DGKB: variants seen among roughly 807,000 people sequenced by gnomAD.
The protein encoded by DGKB is 90 kDa diacylglycerol kinase.
In DGKB, 67 loss-of-function variants were observed where a neutral mutation model predicts 114.3. That is an observed-to-expected ratio of 0.59 (90% CI 0.48 to 0.72). The LOEUF (loss-of-function observed/expected upper bound fraction) is 0.72, where lower values mean the gene tolerates loss of function less well. DGKB is among the 30% of genes least tolerant of loss of function. DGKB has a pLI of 0.00. For synonymous variants in DGKB, 398 were observed against 323.1 expected, an observed-to-expected ratio of 1.23 and a Z score of -2.49; for missense variants, 907 against 975.2, an observed-to-expected ratio of 0.93 and a Z score of 0.93.
At chr7:14,838,521 T>A (rs534255629) in intron 2 of DGKB, among the ~76,000 whole-genome samples, 4 of 151,912 alleles carry the variant, frequency 2.6e-5, no homozygotes, top group African/African-American at 9.6e-5. Context: ...AAATTTCAGA[T>A]CACTCTCTCT....
intron 15 of DGKB, among the ~76,000 whole-genome samples, chr7:14,613,907 T>C (rs1806054290): frequency 6.6e-6 from 1 of 152,096 alleles, no homozygotes; most frequent in Non-Finnish European, 1.5e-5. Flanking sequence ...CTCAATAAGA[T>C]CCTTTGAGGT....
intron 25 of DGKB, 71 bp downstream of exon 25, chr7:14,176,768 A>T: frequency 1.9e-6 from 3 of 1,561,774 alleles, no homozygotes; most frequent in Non-Finnish European, 2.6e-6. Context: ...AAAATCAGTT[A>T]TTGTGGTTAT....
intron 23 of DGKB, among the ~76,000 whole-genome samples, chr7:14,313,882 G>C (rs1805927329): frequency 6.6e-6 from 1 of 152,210 alleles, no homozygotes; most frequent in African/African-American, 2.4e-5. Context: ...AAATGCCCCT[G>C]TCTGACAGCT....
intron 17 of DGKB, among the ~76,000 whole-genome samples, chr7:14,606,394 G>C (rs1023886605): frequency 1.2e-4 from 19 of 152,054 alleles, no homozygotes; most frequent in Non-Finnish European, 2.1e-4. Context: ...ATCCCAGACA[G>C]CAGGCAGCAA....
chr7:14,199,070 T>A (rs1291086646), intron 23 of DGKB, among the ~76,000 whole-genome samples: 2 of 152,064 alleles, frequency 1.3e-5, no homozygotes, highest in Non-Finnish European at 2.9e-5. Context: ...GAAATGGTAC[T>A]GACCTTAGAT....
chr7:14,693,093 T>TA (rs1823170747), intron 9 of DGKB, among the ~76,000 whole-genome samples: 1 of 152,146 alleles, frequency 6.6e-6, no homozygotes, highest in Non-Finnish European at 1.5e-5. Context: ...CTTGAATCTG[T>TA]AAAAATATTT....
intron 21 of DGKB, among the ~76,000 whole-genome samples, chr7:14,401,969 C>CAT (rs1361174727): frequency 6.9e-6 from 1 of 144,588 alleles, no homozygotes; most frequent in Non-Finnish European, 1.5e-5. Context: ...TTTGTACACA[C>CAT]ACACACACAC....
chr7:14,263,206 C>G (rs1379719301), intron 23 of DGKB, among the ~76,000 whole-genome samples: 1 of 152,104 alleles, frequency 6.6e-6, no homozygotes, highest in African/African-American at 2.4e-5. Flanking sequence ...CCCGAGTAAA[C>G]TGTGAGTTTG....
At chr7:14,556,129 A>G (rs1446473981) in intron 20 of DGKB, among the ~76,000 whole-genome samples, 2 of 152,222 alleles carry the variant, frequency 1.3e-5, no homozygotes, top group Non-Finnish European at 2.9e-5. Context: ...GGAATACAAG[A>G]CAAATTCTTA....
intron 14 of DGKB, among the ~76,000 whole-genome samples, chr7:14,628,208 T>C (rs1808992760): frequency 1.3e-5 from 2 of 152,152 alleles, no homozygotes. Flanking sequence ...CTGTGTAATT[T>C]AATTATTACT....
intron 13 of DGKB, among the ~76,000 whole-genome samples, chr7:14,635,319 A>T (rs1426311802): frequency 1.1e-5 from 1 of 87,960 alleles, no homozygotes; most frequent in Non-Finnish European, 2.2e-5. Flanking sequence ...ACAGAATTTT[A>T]AAAAATAAAA....
In DGKB at chr7:14,763,158, A is replaced by AT. The variant is rs199803786; in HGVS notation, c.71-5428dup. Reference sequence around the variant, plus strand: ...TTTTAGAGCTCTTCTTTTGCTGATGATTTTTTTTTCCTCAGGAATCCCGCC... The same window carrying AT: ...TTTTAGAGCTCTTCTTTTGCTGATGATTTTTTTTTTCCTCAGGAATCCCGCC... On this transcript the variant is annotated intron_variant, in intron 2 of 25. Transcript: ENST00000402815. 1.8e-3 allele frequency among the ~76,000 whole-genome samples: 280 copies of AT among 151,496 alleles called. 1 individual carries two copies. The Middle Eastern group carries it at 0.027, about 15-fold the overall frequency.
intron 1 of DGKB, among the ~76,000 whole-genome samples, chr7:14,860,238 A>G (rs1185717734): frequency 1.3e-5 from 2 of 152,102 alleles, no homozygotes; most frequent in East Asian, 3.8e-4. Context: ...CAGAGCATAA[A>G]TCACTTACTT....
In DGKB at chr7:14,729,125, T is replaced by TTC. The variant is rs1270962832; in HGVS notation, c.322+6915_322+6916insGA. Among the ~76,000 whole-genome samples the TTC allele has an allele frequency of 2.0e-3, 271 of 137,974 alleles. 1 individual carries two copies. Among genetic ancestry groups the TTC allele is most frequent in the African/African-American group, 6.9e-3 (246 of 35,412 alleles). 90.5% of individuals were successfully genotyped at this position (137,974 alleles called of 152,430 possible). A position where few individuals can be genotyped will look rare whatever the true frequency, so the allele number is the denominator to read the frequency against. On this transcript the variant is annotated intron_variant, in intron 5 of 25. Transcript: ENST00000402815. ...TGGAAACGGGTTTCATTTTCTTTCT[T>TTC]TTTTTTTTTTTTTTTTTGATGGAGT...
At chr7:14,547,505 A>T (rs1563472776) in intron 20 of DGKB, among the ~76,000 whole-genome samples, 1 of 152,208 alleles carries the variant, frequency 6.6e-6, no homozygotes, top group Non-Finnish European at 1.5e-5. Flanking sequence ...GAATAATATT[A>T]CACTTGGGCT....
At chr7:14,208,254 A>G (rs1203234655) in intron 23 of DGKB, among the ~76,000 whole-genome samples, 1 of 152,050 alleles carries the variant, frequency 6.6e-6, no homozygotes, top group Non-Finnish European at 1.5e-5. Flanking sequence ...ATTAAAATAA[A>G]ACATTTACTT....
intron 1 of DGKB, among the ~76,000 whole-genome samples, chr7:14,943,151 C>T (rs1477396500): frequency 6.6e-6 from 1 of 151,728 alleles, no homozygotes; most frequent in Non-Finnish European, 1.5e-5. Flanking sequence ...GTCATGCTTG[C>T]ATTCCTTCAC....
chr7:14,280,828 C>G (rs533781187), intron 23 of DGKB, among the ~76,000 whole-genome samples: 2 of 150,918 alleles, frequency 1.3e-5, no homozygotes, highest in Non-Finnish European at 3.0e-5. Context: ...TTTGTCACCA[C>G]CAGGCCTGCC....
intron 23 of DGKB, chr7:14,191,349 A>T: frequency 6.4e-6 from 1 of 156,260 alleles, no homozygotes. Context: ...ACACAGTAAC[A>T]TCTGTGCCAA....
Sources: allele counts gnomAD v4.1 joint callset (sites outside exome capture counted in the v4.1 genomes callset), GRCh38; gene constraint gnomAD v4.1.1; transcripts MANE v1.5; gene names NCBI Gene and HGNC (gene_info 2026-07-23, HGNC 2026-07-21).